ST3GAL3: variants seen among roughly 807,000 people sequenced by gnomAD.
ST3GAL3 encodes CMP-N-acetylneuraminate-beta-1,4-galactoside alpha-2,3-sialyltransferase.
In ST3GAL3, 21 loss-of-function variants were observed where a neutral mutation model predicts 50.1. The observed-to-expected ratio is 0.42, with a 90% CI of 0.30 to 0.60. ST3GAL3 has a LOEUF of 0.60. Among genes scored for constraint, ST3GAL3 ranks in the 20% least tolerant of loss-of-function variants. The pLI is 0.19. For missense variants in ST3GAL3, 353 were observed against 489.4 expected (o/e 0.72, Z 2.63); for synonymous variants, 183 against 190.0 (o/e 0.96, Z 0.30).
chr1:43,907,886 A>G (rs1477692772), intron 9 of ST3GAL3, among the ~76,000 whole-genome samples: 1 of 152,150 alleles, frequency 6.6e-6, no homozygotes, highest in African/African-American at 2.4e-5. Context: ...GGGAAAAGTC[A>G]TCGCCTGTCC....
chr1:43,792,866 G>A (rs575756514), intron 3 of ST3GAL3, among the ~76,000 whole-genome samples: 1 of 152,320 alleles, frequency 6.6e-6, no homozygotes, highest in South Asian at 2.1e-4. Flanking sequence ...CTGCCATTGG[G>A]TCCCTATGGG....
chr1:43,874,410 A>G (rs563143797), intron 5 of ST3GAL3, among the ~76,000 whole-genome samples: 17 of 152,346 alleles, frequency 1.1e-4, no homozygotes, highest in Admixed American at 1.0e-3. Flanking sequence ...AGAGATGGAG[A>G]TAAAATGAAT....
chr1:43,830,435 A>G (rs575487330), intron 4 of ST3GAL3, among the ~76,000 whole-genome samples: 2 of 152,258 alleles, frequency 1.3e-5, no homozygotes, highest in South Asian at 4.1e-4. Context: ...TCTTCCTCAT[A>G]TCTTCAAGTA....
intron 9 of ST3GAL3, among the ~76,000 whole-genome samples, chr1:43,902,852 A>G (rs1057114519): frequency 4.6e-5 from 7 of 152,222 alleles, no homozygotes; most frequent in African/African-American, 1.4e-4. Context: ...TGCAGGCTCT[A>G]CACTGGCCCC....
chr1:43,765,753 C>CTGTGTGTG (rs778848698), intron 2 of ST3GAL3, among the ~76,000 whole-genome samples: 97 of 115,802 alleles, frequency 8.4e-4, no homozygotes, highest in Admixed American at 1.0e-3. Flanking sequence ...CTGTGTGTGT[C>CTGTGTGTG]TGTGTGTGTG....
intron 5 of ST3GAL3, chr1:43,850,344 A>G (rs2067054075): frequency 3.4e-6 from 2 of 591,584 alleles, no homozygotes; most frequent in Non-Finnish European, 5.9e-6. Context: ...GAAGCTCTCA[A>G]CCTCCTCCTG....
Position 43,930,873 on chromosome 1 carries a change from A to T in ST3GAL3, c.*652A>T, listed in dbSNP as rs2084920600. On this transcript the variant is annotated 3_prime_UTR_variant, in exon 12 of 12. Coordinates refer to ENST00000347631, the MANE Select transcript of ST3GAL3 (RefSeq NM_006279.5). The stretch of plus-strand genomic sequence containing the variant: ...CTGGAGCCATCCCTTCGGAGCCAAC[A>T]AGACCGCCCCAGGGCTATAGCAGAA... 1 of 165,546 alleles carries T rather than the reference A, an allele frequency of 6.0e-6. No homozygotes were observed. Among genetic ancestry groups the T allele is most frequent in the African/African-American group, 2.4e-5 (1 of 41,688 alleles). The allele number at this position is 165,546 out of a possible 1,614,324, so 10.3% of individuals were successfully genotyped here.
chr1:43,899,903 C>T lies in ST3GAL3; in HGVS notation c.744+176C>T, dbSNP rs535123723. Among the ~76,000 whole-genome samples the T allele has an allele frequency of 8.5e-5, 13 of 152,274 alleles. No individual in the cohort carries two copies. The South Asian group carries it at 2.7e-3, about 32-fold the overall frequency. On this transcript the variant is annotated intron_variant, in intron 9 of 11. Coordinates refer to ENST00000347631, the MANE Select transcript of ST3GAL3 (RefSeq NM_006279.5). The surrounding 1 kb of genome is among the most constrained non-coding windows in gnomAD (Gnocchi z 5.4). Reference sequence around the variant, plus strand: ...GGGGGCAAAGAGGTCAGGAGATTGCCCGGGTTACTGGCCAAACTCCAGGAG... The same window carrying T: ...GGGGGCAAAGAGGTCAGGAGATTGCTCGGGTTACTGGCCAAACTCCAGGAG...
At chr1:43,780,307 AT>A (rs1232671121) in intron 2 of ST3GAL3, among the ~76,000 whole-genome samples, 3 of 151,930 alleles carry the variant, frequency 2.0e-5, no homozygotes, top group Non-Finnish European at 4.4e-5. Flanking sequence ...TGCTATTCTG[AT>A]TTTTAATTAT....
Position 43,851,252 on chromosome 1 carries a change from G to A in ST3GAL3, c.302+12941G>A, listed in dbSNP as rs906333330. Reference sequence around the variant, plus strand: ...GGGCATAGATTCAAAGAAGATGGACGTGGCAGAGATTTTCTTCTTGTCTGT... The same window carrying A: ...GGGCATAGATTCAAAGAAGATGGACATGGCAGAGATTTTCTTCTTGTCTGT... On this transcript the variant is annotated intron_variant, in intron 5 of 11. Coordinates refer to ENST00000347631, the MANE Select transcript of ST3GAL3 (RefSeq NM_006279.5). The A allele has an allele frequency of 2.9e-5, 45 of 1,574,716 alleles. No homozygotes were observed. The African/African-American group carries it at 3.4e-4, about 12-fold the overall frequency.
chr1:43,742,895 C>T (rs760731856), intron 2 of ST3GAL3, among the ~76,000 whole-genome samples: 2 of 152,044 alleles, frequency 1.3e-5, no homozygotes, highest in African/African-American at 2.4e-5. Flanking sequence ...AAAGAAAGAT[C>T]GAGACCATCC....
intron 6 of ST3GAL3, among the ~76,000 whole-genome samples, chr1:43,897,936 G>T (rs1165800909): frequency 6.6e-6 from 1 of 152,184 alleles, no homozygotes; most frequent in African/African-American, 2.4e-5. Flanking sequence ...ATGTCCTGGG[G>T]CCTGACTACA....
chr1:43,747,327 G>A (rs557462460), intron 2 of ST3GAL3, among the ~76,000 whole-genome samples: 7 of 151,932 alleles, frequency 4.6e-5, no homozygotes, highest in African/African-American at 1.2e-4. Context: ...CAAGAGCATC[G>A]CTTGAACCCA....
intron 5 of ST3GAL3, among the ~76,000 whole-genome samples, chr1:43,858,975 G>A (rs1165057521): frequency 6.6e-6 from 1 of 152,220 alleles, no homozygotes; most frequent in Non-Finnish European, 1.5e-5. Flanking sequence ...AAGTGTCAGA[G>A]GGAAGCCACG....
At chr1:43,756,311 G>A (rs1333036706) in intron 2 of ST3GAL3, among the ~76,000 whole-genome samples, 1 of 152,088 alleles carries the variant, frequency 6.6e-6, no homozygotes, top group Non-Finnish European at 1.5e-5. Context: ...GGGGTGAAGA[G>A]TGAAGGGAGG....
chr1:43,865,079 C>T (rs532065179), intron 5 of ST3GAL3, among the ~76,000 whole-genome samples: 28 of 150,818 alleles, frequency 1.9e-4, no homozygotes, highest in African/African-American at 6.1e-4. Context: ...TGCAGTGGCG[C>T]GATCTCGGCT....
At chr1:43,748,034 A>T (rs1684536999) in intron 2 of ST3GAL3, among the ~76,000 whole-genome samples, 1 of 152,126 alleles carries the variant, frequency 6.6e-6, no homozygotes, top group Non-Finnish European at 1.5e-5. Flanking sequence ...GAACCCACTA[A>T]GAGTCACCTC....
intron 5 of ST3GAL3, chr1:43,851,627 ATGT>A: frequency 7.8e-7 from 1 of 1,288,768 alleles, no homozygotes; most frequent in Non-Finnish European, 1.1e-6. Flanking sequence ...CTCCTTAATG[ATGT>A]TGTAAACCTC....
chr1:43,887,718 G>A (rs2076170367), intron 5 of ST3GAL3, among the ~76,000 whole-genome samples: 1 of 152,182 alleles, frequency 6.6e-6, no homozygotes, highest in African/African-American at 2.4e-5. Context: ...ATATGGCAGA[G>A]TTGGTAGATG....
Sources: gnomAD v4.1 joint callset for allele counts (sites outside exome capture counted in the v4.1 genomes callset) on GRCh38, gnomAD v4.1.1 for gene constraint, Gnocchi (gnomAD v3.1) non-coding constraint, MANE v1.5 for transcripts, NCBI Gene and HGNC (gene_info 2026-07-23, HGNC 2026-07-21) for gene names.